Variants in DIAPH2 observed in about 807,000 individuals in gnomAD.
DIAPH2 encodes the protein diaphanous related formin 2.
In DIAPH2, 35 loss-of-function variants were observed where a neutral mutation model predicts 92.7. The observed-to-expected ratio is 0.38, with a 90% CI of 0.29 to 0.50. DIAPH2 has a LOEUF of 0.50. Among genes scored for constraint, DIAPH2 ranks in the 20% least tolerant of loss-of-function variants. The pLI, the probability that DIAPH2 is intolerant of heterozygous loss-of-function variation, is 0.94. For synonymous variants in DIAPH2, 301 were observed against 280.4 expected, an observed-to-expected ratio of 1.07 and a Z score of -0.73; for missense variants, 701 against 819.5, an observed-to-expected ratio of 0.86 and a Z score of 1.77.
intron 22 of DIAPH2, among the ~76,000 whole-genome samples, chrX:97,184,682 A>G: frequency 8.9e-6 from 1 of 111,920 alleles, no homozygotes; most frequent in Middle Eastern, 4.6e-3. Flanking sequence ...AACTCAAAAC[A>G]CTATCTTAGT....
At chrX:96,834,002 A>G (rs2064872550) in intron 4 of DIAPH2, among the ~76,000 whole-genome samples, 2 of 111,564 alleles carry the variant, frequency 1.8e-5, no homozygotes, top group Non-Finnish European at 1.9e-5. Flanking sequence ...TGAGAACACT[A>G]TATTTTGTAT....
At chrX:97,566,106 C>T (rs1434177832) in intron 26 of DIAPH2, among the ~76,000 whole-genome samples, 1 of 111,981 alleles carries the variant, frequency 8.9e-6, no homozygotes, top group Non-Finnish European at 1.9e-5. Context: ...GCATCTAAAA[C>T]CCATATTAAG....
At chrX:97,559,477 A>G (rs2071279160) in intron 26 of DIAPH2, among the ~76,000 whole-genome samples, 1 of 103,705 alleles carries the variant, frequency 9.6e-6, no homozygotes, top group Non-Finnish European at 2.0e-5. Context: ...CGACTGAGTG[A>G]GACTCCGTCT....
intron 23 of DIAPH2, among the ~76,000 whole-genome samples, chrX:97,304,678 C>T (rs1256875165): frequency 8.9e-6 from 1 of 112,152 alleles, no homozygotes; most frequent in African/African-American, 3.2e-5. Flanking sequence ...CCTGCTGTCA[C>T]TATGATTTGT....
intron 4 of DIAPH2, among the ~76,000 whole-genome samples, chrX:96,853,273 AG>A (rs2065016338): frequency 1.8e-5 from 2 of 112,168 alleles, no homozygotes; most frequent in South Asian, 7.4e-4. Context: ...CAATTTCACA[AG>A]ACATTGTTTT....
intron 23 of DIAPH2, among the ~76,000 whole-genome samples, chrX:97,259,602 A>G (rs2068273114): frequency 9.0e-6 from 1 of 111,703 alleles, no homozygotes; most frequent in Non-Finnish European, 1.9e-5. Context: ...TACTAAAGTC[A>G]GAATTGTTTC....
chrX:97,533,062 A>C (rs1302033294), intron 26 of DIAPH2: 1 of 111,692 alleles, frequency 9.0e-6, no homozygotes, highest in Non-Finnish European at 1.9e-5. Context: ...TTGAACATAA[A>C]AGTTGCAAGA....
intron 9 of DIAPH2, among the ~76,000 whole-genome samples, chrX:96,924,588 C>A (rs1228080471): frequency 9.0e-6 from 1 of 111,152 alleles, no homozygotes; most frequent in Non-Finnish European, 1.9e-5. Context: ...TGATACTAAA[C>A]TGTATTAGTC....
chrX:97,316,368 G>A (rs762327573), intron 23 of DIAPH2, among the ~76,000 whole-genome samples: 72 of 109,495 alleles, frequency 6.6e-4, no homozygotes, highest in African/African-American at 2.4e-3. Context: ...CTAGCCGAGC[G>A]CAGTGGCTCA....
chrX:96,804,493 T>C (rs1246624563), intron 4 of DIAPH2, among the ~76,000 whole-genome samples: 2 of 111,798 alleles, frequency 1.8e-5, no homozygotes, highest in Non-Finnish European at 3.8e-5. Context: ...CTATTGTTGG[T>C]TAAATGAAAG....
chrX:97,183,323 GAA>G (rs889914496), intron 22 of DIAPH2, among the ~76,000 whole-genome samples: 1 of 111,328 alleles, frequency 9.0e-6, no homozygotes, highest in Non-Finnish European at 1.9e-5. Flanking sequence ...CTCCTCCTTG[GAA>G]GATAATTTTC....
intron 23 of DIAPH2, among the ~76,000 whole-genome samples, chrX:97,324,974 A>G (rs984269820): frequency 2.7e-5 from 3 of 110,995 alleles, no homozygotes; most frequent in Non-Finnish European, 3.8e-5. Context: ...TAATTTTTGT[A>G]TTTTTAGTAG....
chrX:97,334,167 T>A (rs2069026960), intron 23 of DIAPH2, among the ~76,000 whole-genome samples: 1 of 110,071 alleles, frequency 9.1e-6, no homozygotes, highest in African/African-American at 3.3e-5. Flanking sequence ...CCTTAACAGT[T>A]CTAGATACAT....
intron 26 of DIAPH2, among the ~76,000 whole-genome samples, chrX:97,497,553 C>A (rs1046671637): frequency 9.1e-6 from 1 of 110,101 alleles, no homozygotes; most frequent in Non-Finnish European, 1.9e-5. Flanking sequence ...TGTCTGTAAT[C>A]CCAGCACTTT....
intron 5 of DIAPH2, among the ~76,000 whole-genome samples, chrX:96,903,816 T>C (rs966126270): frequency 5.3e-5 from 6 of 112,203 alleles, no homozygotes; most frequent in African/African-American, 1.9e-4. Flanking sequence ...TTCAGATAGA[T>C]TTGGGCATAA....
intron 16 of DIAPH2, among the ~76,000 whole-genome samples, chrX:96,962,380 C>CATATATAT (rs1224506874): frequency 7.8e-5 from 2 of 25,717 alleles, no homozygotes; most frequent in African/African-American, 2.1e-4. Context: ...TATATATATA[C>CATATATAT]ACATATATAT....
rs1255326173 is a variant in DIAPH2 at position 96,848,045 on chromosome X, A to AT, written c.448-33532dup. Among the ~76,000 whole-genome samples the AT allele has an allele frequency of 4.9e-3, 536 of 108,391 alleles. 1 individual carries two copies. Among genetic ancestry groups the AT allele is most frequent in the African/African-American group, 0.016 (489 of 29,672 alleles). The allele number at this position is 108,391 out of a possible 115,157, so 94.1% of individuals were successfully genotyped here. A position where few individuals can be genotyped will look rare whatever the true frequency, so the allele number is the denominator to read the frequency against. On this transcript the variant is annotated intron_variant, in intron 4 of 26. Coordinates refer to ENST00000324765, the MANE Select transcript of DIAPH2 (RefSeq NM_006729.5). ...ATTTTTATCTTTAAAAATTATTATT[A>AT]TTATTTTTTTTAGAGACAAGGTATT...
intron 23 of DIAPH2, among the ~76,000 whole-genome samples, chrX:97,275,516 T>C (rs1352318628): frequency 3.1e-4 from 23 of 75,234 alleles, no homozygotes; most frequent in African/African-American, 7.2e-4. Context: ...TCCTCACTTC[T>C]CAGACGGGGC....
intron 19 of DIAPH2, among the ~76,000 whole-genome samples, chrX:97,090,298 C>CTTTTTTTTTTTTT (rs760073834): frequency 1.0e-4 from 4 of 38,871 alleles, no homozygotes; most frequent in African/African-American, 2.9e-4. Flanking sequence ...TCTCTGATCC[C>CTTTTTTTTTTTTT]TTTTTTTTTT....
Sources: allele counts gnomAD v4.1 joint callset (sites outside exome capture counted in the v4.1 genomes callset), GRCh38; gene constraint gnomAD v4.1.1; transcripts MANE v1.5; gene names NCBI Gene and HGNC (gene_info 2026-07-23, HGNC 2026-07-21).